Variants in SYK observed in about 807,000 individuals in gnomAD.
The protein encoded by SYK is spleen associated tyrosine kinase.
A neutral mutation model predicts 77.8 loss-of-function variants in SYK; 16 were observed. The ratio of observed to expected loss-of-function variants is 0.21; its 90% confidence interval spans 0.14 to 0.31. The LOEUF is 0.31. Among genes scored for constraint, SYK ranks in the 10% least tolerant of loss-of-function variants. The pLI is 1.00. For synonymous variants in SYK, 312 were observed against 308.7 expected (o/e 1.01, Z -0.11); for missense variants, 529 against 814.4 (o/e 0.65, Z 4.26).
chr9:90,855,011 T>TACACACACAC (rs55839931), intron 3 of SYK, among the ~76,000 whole-genome samples: 10,768 of 143,240 alleles, frequency 0.075, 502 homozygotes, highest in African/African-American at 0.13. Context: ...CACACATACA[T>TACACACACAC]ACACACACAC....
At chr9:90,863,223 T>C (rs762910184) in intron 4 of SYK, among the ~76,000 whole-genome samples, 2 of 152,146 alleles carry the variant, frequency 1.3e-5, no homozygotes. Context: ...TCCTATAAAC[T>C]GTAGTAGGTT....
intron 1 of SYK, among the ~76,000 whole-genome samples, chr9:90,803,914 G>A (rs1824714801): frequency 6.6e-6 from 1 of 151,456 alleles, no homozygotes; most frequent in Admixed American, 6.6e-5. Context: ...TTACATTTAA[G>A]AACATGAATA....
intron 6 of SYK, among the ~76,000 whole-genome samples, chr9:90,866,577 G>T (rs1202865959): frequency 2.0e-5 from 3 of 152,192 alleles, no homozygotes; most frequent in Non-Finnish European, 4.4e-5. Flanking sequence ...AGGGCTTAGG[G>T]CTGAGAACTC....
At chr9:90,823,019 T>G (rs1438198869) in intron 1 of SYK, among the ~76,000 whole-genome samples, 1 of 152,134 alleles carries the variant, frequency 6.6e-6, no homozygotes, top group Non-Finnish European at 1.5e-5. Context: ...TCCATGACAA[T>G]GGTTACTCTC....
At chr9:90,818,671 T>C in intron 1 of SYK, among the ~76,000 whole-genome samples, 1 of 152,246 alleles carries the variant, frequency 6.6e-6, no homozygotes, top group Non-Finnish European at 1.5e-5. Flanking sequence ...CCACCCAAAT[T>C]AATAAATGTT....
chr9:90,894,840 G>A (rs1293011660), intron 13 of SYK, among the ~76,000 whole-genome samples: 14 of 152,216 alleles, frequency 9.2e-5, no homozygotes, highest in Admixed American at 7.8e-4. Context: ...TAGAGACTGC[G>A]AACTGTTAAT....
At chr9:90,806,170 C>T (rs1222681307) in intron 1 of SYK, among the ~76,000 whole-genome samples, 1 of 152,100 alleles carries the variant, frequency 6.6e-6, no homozygotes, top group Non-Finnish European at 1.5e-5. Context: ...TGCACTGTGC[C>T]TATTATCATT....
At chr9:90,867,573 G>A (rs1827558429) in intron 7 of SYK, among the ~76,000 whole-genome samples, 1 of 152,328 alleles carries the variant, frequency 6.6e-6, no homozygotes. Context: ...CAGTGTTCTG[G>A]TAATTGATTA....
chr9:90,802,453 C>T (rs1826767541), intron 1 of SYK, among the ~76,000 whole-genome samples: 1 of 152,148 alleles, frequency 6.6e-6, no homozygotes, highest in African/African-American at 2.4e-5. Flanking sequence ...TAAAATTTAG[C>T]ATAATTACTC....
chr9:90,869,068 A>C (rs1223854272), intron 7 of SYK, among the ~76,000 whole-genome samples: 1 of 152,194 alleles, frequency 6.6e-6, no homozygotes, highest in Admixed American at 6.5e-5. Context: ...CGTATACAGT[A>C]TCCTAGAAAA....
chr9:90,850,527 A>ATAT (rs933083369), intron 3 of SYK, among the ~76,000 whole-genome samples: 50 of 151,510 alleles, frequency 3.3e-4, no homozygotes, highest in African/African-American at 1.0e-3. Flanking sequence ...AAAAATATAT[A>ATAT]TATTATTATT....
intron 3 of SYK, among the ~76,000 whole-genome samples, chr9:90,856,843 G>T (rs1346006793): frequency 6.6e-6 from 1 of 152,096 alleles, no homozygotes; most frequent in African/African-American, 2.4e-5. Context: ...ATGCCTGATT[G>T]ATATTAATCT....
chr9:90,819,875 A>G (rs923463088), intron 1 of SYK, among the ~76,000 whole-genome samples: 1 of 152,218 alleles, frequency 6.6e-6, no homozygotes, highest in Non-Finnish European at 1.5e-5. Context: ...AGTCCCTTCC[A>G]TCTCTGAGCC....
chr9:90,842,756 A>AGTGTGT (rs1423688327), intron 1 of SYK, among the ~76,000 whole-genome samples: 32 of 143,620 alleles, frequency 2.2e-4, no homozygotes, highest in African/African-American at 4.7e-4. Flanking sequence ...TGGTATGGAG[A>AGTGTGT]GAGTGTGTGT....
intron 11 of SYK, among the ~76,000 whole-genome samples, chr9:90,887,085 C>T (rs1828605422): frequency 6.6e-6 from 1 of 152,198 alleles, no homozygotes; most frequent in Admixed American, 6.5e-5. Flanking sequence ...AGTGTACACC[C>T]TGTGTAAATG....
At chr9:90,804,927 G>T (rs1824754875) in intron 1 of SYK, among the ~76,000 whole-genome samples, 1 of 150,056 alleles carries the variant, frequency 6.7e-6, no homozygotes, top group Admixed American at 6.7e-5. Context: ...AATTTTATCT[G>T]ACCAATATTA....
At chr9:90,839,075 T>C (rs1462773477) in intron 1 of SYK, among the ~76,000 whole-genome samples, 2 of 152,180 alleles carry the variant, frequency 1.3e-5, no homozygotes, top group African/African-American at 2.4e-5. Flanking sequence ...CCTGGGCCAC[T>C]GTGGGCAGTG....
At chr9:90,808,950 G>A (rs1047048125) in intron 1 of SYK, among the ~76,000 whole-genome samples, 8 of 152,166 alleles carry the variant, frequency 5.3e-5, no homozygotes, top group African/African-American at 1.7e-4. Context: ...GATCCTCAGC[G>A]TGCTATGACT....
chr9:90,818,619 T>C (rs1377509690), intron 1 of SYK, among the ~76,000 whole-genome samples: 1 of 152,252 alleles, frequency 6.6e-6, no homozygotes, highest in Non-Finnish European at 1.5e-5. Context: ...CCATAGGGTT[T>C]TTCTTTGTGA....
Sources: allele counts gnomAD v4.1 joint callset (sites outside exome capture counted in the v4.1 genomes callset), GRCh38; gene constraint gnomAD v4.1.1; transcripts MANE v1.5; gene names NCBI Gene and HGNC (gene_info 2026-07-23, HGNC 2026-07-21).